The following DCAF12 variants were observed in gnomAD, a reference collection of about 807,000 sequenced individuals.
The protein encoded by DCAF12 is DDB1- and CUL4-associated factor 12.
DCAF12 carries 28 observed loss-of-function variants against 52.8 expected under a neutral mutation model. The observed-to-expected ratio is 0.53, with a 90% CI of 0.39 to 0.73. The LOEUF (loss-of-function observed/expected upper bound fraction) is 0.73. Ranked by LOEUF, DCAF12 falls within the 30% of genes least tolerant of loss-of-function variation. The probability of loss-of-function intolerance (pLI) is 0.00; values close to 1 mark genes in which losing one functional copy is unlikely to be tolerated. For missense variants in DCAF12, 425 were observed against 552.2 expected (o/e 0.77, Z 2.31); for synonymous variants, 196 against 215.5 (o/e 0.91, Z 0.79).
At chr9:34,103,446 T>TA (rs1426184231) in intron 4 of DCAF12, among the ~76,000 whole-genome samples, 4 of 152,012 alleles carry the variant, frequency 2.6e-5, no homozygotes, top group Admixed American at 1.3e-4. Flanking sequence ...AAGTTTATAT[T>TA]CCCATTCAGA....
At chr9:34,110,399 C>T (rs140215009) in intron 2 of DCAF12, among the ~76,000 whole-genome samples, 112 of 152,302 alleles carry the variant, frequency 7.4e-4, no homozygotes, top group African/African-American at 2.6e-3. Context: ...CTGACTCCTT[C>T]CTCTGCTTCC....
intron 3 of DCAF12, 76 bp downstream of exon 3, chr9:34,107,283 A>G (rs1828918067): frequency 9.2e-6 from 13 of 1,414,524 alleles, no homozygotes; most frequent in Admixed American, 1.7e-5. Flanking sequence ...GGCTGATGAG[A>G]GGAGGGTCCA....
chr9:34,087,096 C>CA lies in DCAF12; in HGVS notation c.*1253dup, dbSNP rs1390458493. On this transcript the variant is annotated 3_prime_UTR_variant, in exon 9 of 9. Coordinates refer to ENST00000361264, the MANE Select transcript of DCAF12 (RefSeq NM_015397.4). ...GGAGGAACAGACAAATTACTAATCACATTGATGCTGTCACATGCACAATGA... is the reference window on the plus strand; with the variant it reads ...GGAGGAACAGACAAATTACTAATCACAATTGATGCTGTCACATGCACAATGA... 2.6e-5 allele frequency: 4 copies of CA among 152,328 alleles called. No homozygotes were observed. In the South Asian group the frequency reaches 8.3e-4, roughly 32 times the overall value. The allele number at this position is 152,328 out of a possible 1,614,324, so 9.4% of individuals were successfully genotyped here.
chr9:34,091,993 C>T (rs1290720275), intron 7 of DCAF12, among the ~76,000 whole-genome samples: 2 of 152,062 alleles, frequency 1.3e-5, no homozygotes, highest in Admixed American at 6.6e-5. Flanking sequence ...GATGAAATGG[C>T]ATGTCAGAAA....
At chr9:34,106,574 A>C (rs1671343676) in intron 3 of DCAF12, 80 bp from the exon 4 acceptor site, 5 of 1,168,252 alleles carry the variant, frequency 4.3e-6, no homozygotes, top group Non-Finnish European at 6.3e-6. Context: ...CTCTCTAAAG[A>C]AGCATACAAG....
At chr9:34,108,658 C>T (rs547404845) in intron 2 of DCAF12, among the ~76,000 whole-genome samples, 11 of 151,972 alleles carry the variant, frequency 7.2e-5, no homozygotes, top group African/African-American at 2.7e-4. Flanking sequence ...TGGTGGCACA[C>T]GCCTGTAATC....
chr9:34,088,178 CTT>C lies in DCAF12; in HGVS notation c.*170_*171del. On this transcript the variant is annotated 3_prime_UTR_variant, in exon 9 of 9. Transcript: ENST00000361264. ...AAGGGGAAAACAAAAAGCAAAACAA[CTT>C]TCAGATTTCTGTACAGAGCTTCTTC... The C allele has an allele frequency of 1.8e-6, 1 of 568,042 alleles. No individual in the cohort carries two copies. Among genetic ancestry groups the C allele is most frequent in the Non-Finnish European group, 2.8e-6 (1 of 362,194 alleles). The allele number at this position is 568,042 out of a possible 1,614,324, so 35.2% of individuals were successfully genotyped here.
At chr9:34,100,186 C>A (rs1828804186) in intron 4 of DCAF12, among the ~76,000 whole-genome samples, 2 of 150,512 alleles carry the variant, frequency 1.3e-5, no homozygotes, top group East Asian at 2.0e-4. Flanking sequence ...AGGTATGCAC[C>A]CCCATGACTG....
intron 4 of DCAF12, among the ~76,000 whole-genome samples, chr9:34,100,286 C>T (rs1286359810): frequency 6.6e-6 from 1 of 150,876 alleles, no homozygotes; most frequent in African/African-American, 2.4e-5. Context: ...GCAAGCTCCG[C>T]CTCCTGGGTT....
intron 2 of DCAF12, among the ~76,000 whole-genome samples, chr9:34,117,560 T>C (rs1829106874): frequency 6.6e-6 from 1 of 152,146 alleles, no homozygotes; most frequent in South Asian, 2.1e-4. Context: ...CCACATAAAC[T>C]TTGACAACAT....
intron 2 of DCAF12, among the ~76,000 whole-genome samples, chr9:34,119,555 T>C (rs72731217): frequency 0.091 from 13,792 of 152,252 alleles, 907 homozygotes; most frequent in Non-Finnish European, 0.13. Context: ...AAGTATTCGA[T>C]TGTTAGTATT....
At chr9:34,093,650 A>G (rs1458565690) in intron 6 of DCAF12, 2 of 546,940 alleles carry the variant, frequency 3.7e-6, no homozygotes, top group African/African-American at 3.8e-5. Flanking sequence ...TAAGACCTAG[A>G]TACTGAAGGA....
Position 34,088,368 on chromosome 9 carries a change from A to G in DCAF12, c.1344T>C (p.Tyr448=). The G allele has an allele frequency of 3.7e-6, 6 of 1,604,018 alleles. No homozygotes were observed. The highest frequency in any genetic ancestry group is 1.7e-6 in the Non-Finnish European group (2 of 1,175,450). Residue 448 remains tyrosine, a synonymous_variant, in exon 9 of 9, where the codon TAT becomes TAC. Transcript: ENST00000361264. The part of the protein sequence containing the change: ...GPLPSGLHGN[Y]AGLWS ...GTTGTCATTAACTCCAGAGCCCAGCATAGTTTCCATGGAGCCCTGAAGGGA... is the reference window on the plus strand; with the variant it reads ...GTTGTCATTAACTCCAGAGCCCAGCGTAGTTTCCATGGAGCCCTGAAGGGA...
intron 4 of DCAF12, among the ~76,000 whole-genome samples, chr9:34,101,303 C>T (rs1312110006): frequency 1.3e-5 from 2 of 151,966 alleles, no homozygotes; most frequent in Non-Finnish European, 2.9e-5. Flanking sequence ...GTCTTGGACT[C>T]CTGACCTCAA....
intron 4 of DCAF12, among the ~76,000 whole-genome samples, chr9:34,103,836 G>A (rs959215169): frequency 2.6e-5 from 4 of 152,090 alleles, no homozygotes; most frequent in Non-Finnish European, 4.4e-5. Context: ...GTGAGACCCT[G>A]TCTCAACAAC....
chr9:34,119,557 G>A (rs1439364676), intron 2 of DCAF12, among the ~76,000 whole-genome samples: 4 of 152,136 alleles, frequency 2.6e-5, no homozygotes, highest in African/African-American at 9.7e-5. Context: ...GTATTCGATT[G>A]TTAGTATTTA....
At chr9:34,125,512 G>C (rs1169474217) in intron 1 of DCAF12, 1 of 610,930 alleles carries the variant, frequency 1.6e-6, no homozygotes, top group East Asian at 3.2e-5. Flanking sequence ...GAAAGTCAAG[G>C]GAATGAATGC....
rs571369351 is a variant in DCAF12, at chr9:34,112,020, G to T, written c.334-4455C>A. On this transcript the variant is annotated intron_variant, in intron 2 of 8. Transcript: ENST00000361264. ...TAGCTGGATGTGGTGGCGGGCGCCTGTAATCCCAGCTACTCGGGAGGCTGA... is the reference window on the plus strand; with the variant it reads ...TAGCTGGATGTGGTGGCGGGCGCCTTTAATCCCAGCTACTCGGGAGGCTGA... Among the ~76,000 whole-genome samples, 30 of 151,934 alleles carry T rather than the reference G, an allele frequency of 2.0e-4. 1 individual carries two copies. In the South Asian group the frequency reaches 2.3e-3, roughly 12 times the overall value.
At chr9:34,118,158 C>T (rs1409819112) in intron 2 of DCAF12, among the ~76,000 whole-genome samples, 2 of 151,886 alleles carry the variant, frequency 1.3e-5, no homozygotes, top group East Asian at 1.9e-4. Flanking sequence ...GAAAAAAAGA[C>T]AGACTCACTC....
Sources: gnomAD v4.1 joint callset for allele counts (sites outside exome capture counted in the v4.1 genomes callset) on GRCh38, gnomAD v4.1.1 for gene constraint, MANE v1.5 for transcripts, NCBI Gene and HGNC (gene_info 2026-07-23, HGNC 2026-07-21) for gene names.